The following EPHA5 variants were observed in gnomAD, a reference collection of about 807,000 sequenced individuals.
The protein encoded by EPHA5 is ephrin type-A receptor 5.
Under a neutral mutation model 105.0 loss-of-function variants are expected in EPHA5, and 60 were observed. That is an observed-to-expected ratio of 0.57 (90% CI 0.46 to 0.71). EPHA5 has a LOEUF of 0.71. Ranked by LOEUF, EPHA5 falls within the 30% of genes least tolerant of loss-of-function variation. The pLI, the probability that EPHA5 is intolerant of heterozygous loss-of-function variation, is 0.00. For synonymous variants in EPHA5, 513 were observed against 449.1 expected (o/e 1.14, Z -1.80); for missense variants, 1,218 against 1,274.7 (o/e 0.96, Z 0.68).
intron 8 of EPHA5, among the ~76,000 whole-genome samples, chr4:65,390,316 C>T (rs1347830202): frequency 1.3e-5 from 2 of 151,996 alleles, no homozygotes; most frequent in Non-Finnish European, 2.9e-5. Flanking sequence ...GAGACCTCTT[C>T]TATAAGCCCA....
At chr4:65,334,712 G>A (rs1721003562) in intron 15 of EPHA5, among the ~76,000 whole-genome samples, 1 of 151,900 alleles carries the variant, frequency 6.6e-6, no homozygotes, top group South Asian at 2.1e-4. Flanking sequence ...CCTATATACT[G>A]CATACAATGA....
At chr4:65,410,326 A>T (rs1258944275) in intron 7 of EPHA5, among the ~76,000 whole-genome samples, 1 of 152,244 alleles carries the variant, frequency 6.6e-6, no homozygotes, top group African/African-American at 2.4e-5. Flanking sequence ...AAAGGCACGT[A>T]CTGCATGTTT....
chr4:65,657,925 T>C (rs1749216944), intron 1 of EPHA5, among the ~76,000 whole-genome samples: 1 of 149,078 alleles, frequency 6.7e-6, no homozygotes, highest in African/African-American at 2.5e-5. Context: ...AAAAAAGATA[T>C]TTTACTGCCA....
At chr4:65,412,560 G>A (rs370643835) in intron 7 of EPHA5, among the ~76,000 whole-genome samples, 16 of 151,860 alleles carry the variant, frequency 1.1e-4, no homozygotes, top group East Asian at 5.8e-4. Context: ...GATTTTACTC[G>A]TAGCTAGGAG....
At chr4:65,564,241 A>G (rs1739304460) in intron 3 of EPHA5, among the ~76,000 whole-genome samples, 1 of 151,890 alleles carries the variant, frequency 6.6e-6, no homozygotes, top group South Asian at 2.1e-4. Context: ...TAGTTTCTAA[A>G]TCAAAGTACC....
At chr4:65,478,213 C>T (rs570559797) in intron 5 of EPHA5, among the ~76,000 whole-genome samples, 4 of 152,036 alleles carry the variant, frequency 2.6e-5, no homozygotes, top group Admixed American at 6.6e-5. Flanking sequence ...CAGCCATAGT[C>T]AGAACACTAA....
At chr4:65,453,620 G>A (rs1321394807) in intron 5 of EPHA5, among the ~76,000 whole-genome samples, 1 of 152,164 alleles carries the variant, frequency 6.6e-6, no homozygotes, top group Non-Finnish European at 1.5e-5. Flanking sequence ...GCTGGTAAGG[G>A]AAGAATGTCT....
chr4:65,664,690 G>A (rs1385039167), intron 1 of EPHA5, among the ~76,000 whole-genome samples: 5 of 151,920 alleles, frequency 3.3e-5, no homozygotes, highest in African/African-American at 4.8e-5. Flanking sequence ...GGGCACAGCA[G>A]TAGGAGCCAT....
intron 3 of EPHA5, among the ~76,000 whole-genome samples, chr4:65,504,200 GAGAA>G (rs903867122): frequency 2.0e-5 from 3 of 150,954 alleles, no homozygotes; most frequent in Non-Finnish European, 3.0e-5. Flanking sequence ...CCATAATTCA[GAGAA>G]AGAGATTATT....
At chr4:65,389,133 G>C (rs965502116) in intron 8 of EPHA5, among the ~76,000 whole-genome samples, 1 of 151,972 alleles carries the variant, frequency 6.6e-6, no homozygotes, top group South Asian at 2.1e-4. Context: ...CTCTAAATTG[G>C]TAATTCCTTA....
At chr4:65,438,842 T>C (rs931115154) in intron 5 of EPHA5, among the ~76,000 whole-genome samples, 5 of 152,078 alleles carry the variant, frequency 3.3e-5, no homozygotes, top group Admixed American at 3.3e-4. Flanking sequence ...TTTTAAGTTG[T>C]AACTATAAGA....
chr4:65,556,183 C>A (rs1193340040), intron 3 of EPHA5, among the ~76,000 whole-genome samples: 3 of 152,216 alleles, frequency 2.0e-5, no homozygotes, highest in Non-Finnish European at 1.5e-5. Context: ...AAGCATAAAG[C>A]CAATTGGATG....
intron 2 of EPHA5, among the ~76,000 whole-genome samples, chr4:65,639,076 T>G (rs955944039): frequency 1.3e-5 from 2 of 152,174 alleles, no homozygotes; most frequent in African/African-American, 4.8e-5. Context: ...ATAAACAAAC[T>G]CTTGTAAAAT....
chr4:65,605,501 A>G (rs574999444), intron 2 of EPHA5, among the ~76,000 whole-genome samples: 4 of 152,272 alleles, frequency 2.6e-5, no homozygotes, highest in African/African-American at 7.2e-5. Flanking sequence ...CTCATGACAC[A>G]TGGGCTGGAC....
intron 1 of EPHA5, among the ~76,000 whole-genome samples, chr4:65,645,524 T>A (rs775263878): frequency 1.2e-4 from 18 of 152,050 alleles, no homozygotes; most frequent in Non-Finnish European, 2.5e-4. Flanking sequence ...TAATATGAAA[T>A]ATGAAGTATT....
chr4:65,373,646 A>G (rs960690754), intron 8 of EPHA5, among the ~76,000 whole-genome samples: 3 of 151,954 alleles, frequency 2.0e-5, no homozygotes, highest in African/African-American at 7.2e-5. Flanking sequence ...GAATTATGAG[A>G]TACACTAGAC....
intron 5 of EPHA5, among the ~76,000 whole-genome samples, chr4:65,486,408 C>T (rs2149202370): frequency 6.6e-6 from 1 of 152,132 alleles, no homozygotes; most frequent in Middle Eastern, 3.4e-3. Flanking sequence ...CCCTATTAAG[C>T]TGTCTATTTT....
intron 11 of EPHA5, among the ~76,000 whole-genome samples, chr4:65,364,778 A>T (rs891997858): frequency 6.6e-6 from 1 of 151,600 alleles, no homozygotes; most frequent in African/African-American, 2.4e-5. Flanking sequence ...ATCTGGATAC[A>T]TTTTTGTCTG....
Position 65,378,070 on chromosome 4 carries a change from A to G in EPHA5, c.1794-10646T>C, listed in dbSNP as rs1436067937. ...AACATAAACTTCCAATAAATTTGCA[A>G]ACACTAATGAAGATAGATGATTATT... On this transcript the variant is annotated intron_variant, in intron 8 of 16. Transcript: ENST00000613740. 2.0e-5 allele frequency among the ~76,000 whole-genome samples: 3 copies of G among 152,036 alleles called. No individual in the cohort carries two copies. The East Asian group carries it at 5.8e-4, about 30-fold the overall frequency.
Sources: gnomAD v4.1 joint callset for allele counts (sites outside exome capture counted in the v4.1 genomes callset) on GRCh38, gnomAD v4.1.1 for gene constraint, MANE v1.5 for transcripts, NCBI Gene and HGNC (gene_info 2026-07-23, HGNC 2026-07-21) for gene names.